The following SMIM31 variants were observed in gnomAD, a reference collection of about 807,000 sequenced individuals.
SMIM31 encodes small integral membrane protein 31.
intron 2 of SMIM31, among the ~76,000 whole-genome samples, chr4:164,784,424 TC>T (rs1240897589): frequency 6.6e-6 from 1 of 150,660 alleles, no homozygotes; most frequent in Admixed American, 6.6e-5. Flanking sequence ...AACGTATTTT[TC>T]CTAATACAGA....
intron 1 of SMIM31, among the ~76,000 whole-genome samples, chr4:164,759,494 A>G (rs1732616748): frequency 6.6e-6 from 1 of 152,208 alleles, no homozygotes; most frequent in African/African-American, 2.4e-5. Context: ...TACAAAAACT[A>G]TATCTGTAAG....
intron 1 of SMIM31, among the ~76,000 whole-genome samples, chr4:164,761,656 C>G (rs1461821219): frequency 6.6e-6 from 1 of 151,988 alleles, no homozygotes; most frequent in Non-Finnish European, 1.5e-5. Context: ...CTGTGGCTCA[C>G]GCCTGCAATC....
chr4:164,754,816 A>G lies in SMIM31; in HGVS notation c.-26+405A>G, dbSNP rs992674594. 2.5e-4 allele frequency among the ~76,000 whole-genome samples: 38 copies of G among 151,280 alleles called. 1 individual carries two copies. The highest frequency in any genetic ancestry group is 8.7e-4 in the African/African-American group (36 of 41,368). On this transcript the variant is annotated intron_variant, in intron 1 of 2. Transcript: ENST00000507311. ...TTCTATGCTGAAAGTATGGTACCATATTTTGGTGAAAGCAAGAAATAATTT... is the reference window on the plus strand; with the variant it reads ...TTCTATGCTGAAAGTATGGTACCATGTTTTGGTGAAAGCAAGAAATAATTT...
intron 2 of SMIM31, among the ~76,000 whole-genome samples, chr4:164,798,235 T>TA (rs950117168): frequency 2.8e-4 from 42 of 149,106 alleles, no homozygotes; most frequent in Middle Eastern, 3.4e-3. Context: ...TTTTTATTTT[T>TA]TTTTTTTATT....
At chr4:164,770,781 A>T (rs533681058) in intron 2 of SMIM31, among the ~76,000 whole-genome samples, 49 of 151,936 alleles carry the variant, frequency 3.2e-4, no homozygotes, top group African/African-American at 1.2e-3. Context: ...CCAAACATTT[A>T]AAAAAATTCT....
At chr4:164,780,184 T>A (rs1401335552) in intron 2 of SMIM31, among the ~76,000 whole-genome samples, 1 of 152,110 alleles carries the variant, frequency 6.6e-6, no homozygotes, top group Non-Finnish European at 1.5e-5. Flanking sequence ...TCCCAGCACT[T>A]TGGGAGGCCA....
intron 2 of SMIM31, among the ~76,000 whole-genome samples, chr4:164,786,687 G>A (rs2110952505): frequency 6.6e-6 from 1 of 152,216 alleles, no homozygotes; most frequent in Admixed American, 6.5e-5. Flanking sequence ...AAATGCTAGT[G>A]GCAAGGCTTT....
At chr4:164,780,820 A>C (rs1732940130) in intron 2 of SMIM31, among the ~76,000 whole-genome samples, 1 of 151,990 alleles carries the variant, frequency 6.6e-6, no homozygotes, top group African/African-American at 2.4e-5. Context: ...TTTAATTTTT[A>C]TTTTTCTTAA....
At chr4:164,773,468 G>A (rs1017153770) in intron 2 of SMIM31, among the ~76,000 whole-genome samples, 1 of 152,202 alleles carries the variant, frequency 6.6e-6, no homozygotes, top group Non-Finnish European at 1.5e-5. Flanking sequence ...GGAAGGGGAA[G>A]CAAACATGTC....
chr4:164,796,396 G>A (rs1733195869), intron 2 of SMIM31, among the ~76,000 whole-genome samples: 1 of 152,096 alleles, frequency 6.6e-6, no homozygotes, highest in Non-Finnish European at 1.5e-5. Flanking sequence ...CTCCTTTGCA[G>A]GTTCCCCCTA....
At chr4:164,783,232 A>AAAAAAAC (rs147369524) in intron 2 of SMIM31, among the ~76,000 whole-genome samples, 6,797 of 126,988 alleles carry the variant, frequency 0.054, 676 homozygotes, top group Non-Finnish European at 0.062. Context: ...AAAAAAAAAA[A>AAAAAAAC]GGAATTTCTG....
In SMIM31 at chr4:164,756,718, A is replaced by T. The variant is rs114548174; in HGVS notation, c.-26+2307A>T. 1.3e-3 allele frequency among the ~76,000 whole-genome samples: 202 copies of T among 152,184 alleles called. 1 individual carries two copies. Among genetic ancestry groups the T allele is most frequent in the African/African-American group, 4.6e-3 (189 of 41,516 alleles). ...CAATCTTCCTCTCTACATAGTATGT[A>T]TGTTCAATGTTTTCTTCAGATTCAT... is the stretch of plus-strand genomic sequence containing the variant. On this transcript the variant is annotated intron_variant, in intron 1 of 2. Coordinates refer to ENST00000507311, the MANE Select transcript of SMIM31 (RefSeq NM_001352885.1).
At chr4:164,766,796 CAAAA>C (rs33966423) in intron 1 of SMIM31, among the ~76,000 whole-genome samples, 14,615 of 116,078 alleles carry the variant, frequency 0.13, 1,141 homozygotes, top group African/African-American at 0.27. Flanking sequence ...GACTCCATCT[CAAAA>C]AAAAAAAAAA....
intron 2 of SMIM31, among the ~76,000 whole-genome samples, chr4:164,785,973 G>A (rs1399633385): frequency 6.6e-6 from 1 of 152,018 alleles, no homozygotes; most frequent in African/African-American, 2.4e-5. Flanking sequence ...GAGGGATGGT[G>A]GTTGTCCCTA....
At chr4:164,793,417 G>A (rs1733132474) in intron 2 of SMIM31, among the ~76,000 whole-genome samples, 2 of 152,088 alleles carry the variant, frequency 1.3e-5, no homozygotes, top group African/African-American at 4.8e-5. Flanking sequence ...GAATGAAGTT[G>A]GACCTTCATC....
At chr4:164,780,959 G>A (rs1732941601) in intron 2 of SMIM31, among the ~76,000 whole-genome samples, 1 of 152,100 alleles carries the variant, frequency 6.6e-6, no homozygotes, top group South Asian at 2.1e-4. Context: ...AGAGGCACAT[G>A]CAACCACACC....
At chr4:164,768,427 C>CAAAAAAAAAAAAAAAAAAA (rs758951225) in intron 1 of SMIM31, among the ~76,000 whole-genome samples, 2 of 94,710 alleles carry the variant, frequency 2.1e-5, no homozygotes, top group Non-Finnish European at 4.1e-5. Context: ...CAGTACATCT[C>CAAAAAAAAAAAAAAAAAAA]AAAAAAAAAA....
chr4:164,796,329 T>C (rs1010119318), intron 2 of SMIM31, among the ~76,000 whole-genome samples: 1 of 152,194 alleles, frequency 6.6e-6, no homozygotes, highest in Non-Finnish European at 1.5e-5. Flanking sequence ...TAATGAGAAA[T>C]GAGTAGATAT....
At position 164,761,458 on chromosome 4, in the gene SMIM31, T is replaced by C. The variant is rs138826705; in HGVS notation, c.-26+7047T>C. Among the ~76,000 whole-genome samples, 22 of 152,288 alleles carry C rather than the reference T, an allele frequency of 1.4e-4. 1 individual carries two copies. Among genetic ancestry groups the C allele is most frequent in the African/African-American group, 5.3e-4 (22 of 41,558 alleles). On this transcript the variant is annotated intron_variant, in intron 1 of 2. Transcript: ENST00000507311. ...CCTAGCAAAATAGAAATTACAACAC[T>C]GTTTCACATTATAAAAGAAGCCATA...
Sources: gnomAD v4.1 joint callset for allele counts (sites outside exome capture counted in the v4.1 genomes callset) on GRCh38, gnomAD v4.1.1 for gene constraint, MANE v1.5 for transcripts, NCBI Gene and HGNC (gene_info 2026-07-23, HGNC 2026-07-21) for gene names.